The following ITPK1 variants were observed in gnomAD, a reference collection of about 807,000 sequenced individuals.
The protein encoded by ITPK1 is inositol 1,3,4-trisphosphate 5/6-kinase.
In ITPK1, 21 loss-of-function variants were observed where a neutral mutation model predicts 45.3. The observed-to-expected ratio is 0.46, with a 90% confidence interval of 0.33 to 0.67. The LOEUF (loss-of-function observed/expected upper bound fraction) is 0.67. Among genes scored for constraint, ITPK1 ranks in the 30% least tolerant of loss-of-function variants. The pLI is 0.02. For synonymous variants in ITPK1, 258 were observed against 253.6 expected (o/e 1.02, Z -0.16); for missense variants, 474 against 573.5 (o/e 0.83, Z 1.77).
chr14:92,978,212 G>A lies in ITPK1; in HGVS notation c.365-15363C>T, dbSNP rs145171052. The stretch of plus-strand genomic sequence containing the variant: ...GTGGAACTTTGAACTTGAGAGAGAT[G>A]GTTTAGGGTATCTGGTGGAAGAAAT... On this transcript the variant is annotated intron_variant, in intron 5 of 10. Coordinates refer to ENST00000267615, the MANE Select transcript of ITPK1 (RefSeq NM_014216.6). 2.2e-3 allele frequency among the ~76,000 whole-genome samples: 331 copies of A among 152,074 alleles called. 8 individuals carry two copies. The highest frequency in any genetic ancestry group is 7.7e-3 in the African/African-American group (319 of 41,320).
chr14:92,941,228 G>C lies in ITPK1; in HGVS notation c.*333C>G. ...CATGGAGACCAACAGACAGGGATGTGCACAGACACTGGCATGGCAGCCATA... is the reference window on the plus strand; with the variant it reads ...CATGGAGACCAACAGACAGGGATGTCCACAGACACTGGCATGGCAGCCATA... On this transcript the variant is annotated 3_prime_UTR_variant, in exon 11 of 11. Coordinates refer to ENST00000267615, the MANE Select transcript of ITPK1 (RefSeq NM_014216.6). 7.6e-7 allele frequency: 1 copy of C among 1,311,056 alleles called. No homozygotes were observed. Among genetic ancestry groups the C allele is most frequent in the South Asian group, 1.6e-5 (1 of 61,918 alleles). 81.2% of individuals were successfully genotyped at this position (1,311,056 alleles called of 1,614,324 possible). A position where few individuals can be genotyped will look rare whatever the true frequency, so the allele number is the denominator to read the frequency against.
At chr14:93,025,159 A>T (rs1050308921) in intron 3 of ITPK1, among the ~76,000 whole-genome samples, 6 of 152,082 alleles carry the variant, frequency 3.9e-5, no homozygotes, top group Admixed American at 6.5e-5. Context: ...GGGTCTTTCC[A>T]TCCTGCCGGC....
intron 1 of ITPK1, 52 bp downstream of exon 1, chr14:93,115,720 T>C (rs1390305798): frequency 6.7e-6 from 1 of 149,922 alleles, no homozygotes; most frequent in African/African-American, 2.4e-5. Flanking sequence ...CTGGGCGCGC[T>C]TGGACCCCGG....
At chr14:93,047,098 G>A (rs949464855) in intron 3 of ITPK1, among the ~76,000 whole-genome samples, 12 of 152,232 alleles carry the variant, frequency 7.9e-5, no homozygotes, top group African/African-American at 2.9e-4. Flanking sequence ...CTGGAAAGCT[G>A]GGGCCCTCAG....
chr14:92,983,844 C>A (rs1046123398), intron 5 of ITPK1, among the ~76,000 whole-genome samples: 1 of 151,980 alleles, frequency 6.6e-6, no homozygotes, highest in Non-Finnish European at 1.5e-5. Flanking sequence ...CCAAACAAGA[C>A]TGGAATGACC....
chr14:92,995,824 C>T (rs1887027359), intron 4 of ITPK1, among the ~76,000 whole-genome samples: 1 of 152,224 alleles, frequency 6.6e-6, no homozygotes, highest in South Asian at 2.1e-4. Context: ...GAGGAGTCTC[C>T]TTAAGGAAGG....
chr14:92,990,150 C>T (rs1016168656), intron 5 of ITPK1, among the ~76,000 whole-genome samples: 10 of 152,230 alleles, frequency 6.6e-5, no homozygotes, highest in African/African-American at 1.9e-4. Context: ...TTCCTGACTC[C>T]CTTGCAGCTT....
At position 93,057,679 on chromosome 14, in the gene ITPK1, G is replaced by T. The variant is rs200470292; in HGVS notation, c.120+18916C>A. ...ACAGAGAAAGAAGCAGAGCCCGGCC[G>T]AGGCCATGCAGGGAGGAGAGGCAGA... On this transcript the variant is annotated intron_variant, in intron 3 of 10. Transcript: ENST00000267615. Among the ~76,000 whole-genome samples, 3 of 152,308 alleles carry T rather than the reference G, an allele frequency of 2.0e-5. No individual in the cohort carries two copies. In the East Asian group the frequency reaches 5.8e-4, roughly 29 times the overall value.
chr14:93,097,066 C>T (rs1040344670), intron 2 of ITPK1, among the ~76,000 whole-genome samples: 7 of 152,260 alleles, frequency 4.6e-5, no homozygotes, highest in African/African-American at 1.7e-4. Flanking sequence ...CCGACTTCTC[C>T]GCCCCTCCCC....
intron 2 of ITPK1, among the ~76,000 whole-genome samples, chr14:93,096,471 T>C (rs956499259): frequency 1.3e-5 from 2 of 152,228 alleles, no homozygotes; most frequent in Non-Finnish European, 2.9e-5. Flanking sequence ...CTTGGCCACA[T>C]GCACCACGAG....
At chr14:92,945,767 G>C (rs1386452046) in intron 10 of ITPK1, among the ~76,000 whole-genome samples, 2 of 152,202 alleles carry the variant, frequency 1.3e-5, no homozygotes, top group Non-Finnish European at 2.9e-5. Context: ...ACATGGCAGA[G>C]CCTGGCTCAA....
chr14:92,979,970 G>A (rs762608077), intron 5 of ITPK1, among the ~76,000 whole-genome samples: 6 of 151,984 alleles, frequency 3.9e-5, no homozygotes, highest in Non-Finnish European at 7.4e-5. Context: ...TAGTAGAGAC[G>A]GGGTTTTCCC....
rs1339374812 is a variant in ITPK1, at chr14:92,982,600, GCCCGTGACA to G, written c.364+11271_364+11279del. Among the ~76,000 whole-genome samples the G allele has an allele frequency of 4.6e-5, 7 of 152,314 alleles. 1 individual carries two copies. In the South Asian group the frequency reaches 1.2e-3, roughly 27 times the overall value. On this transcript the variant is annotated intron_variant, in intron 5 of 10. Transcript: ENST00000267615. ...TGCCCCTGCGGACACCTTGATTTCA[GCCCGTGACA>G]CCCTGGGCCAAGAGCCCAACCACAC...
At chr14:93,046,028 G>GC (rs1194253220) in intron 3 of ITPK1, among the ~76,000 whole-genome samples, 2 of 152,192 alleles carry the variant, frequency 1.3e-5, no homozygotes, top group Admixed American at 1.3e-4. Flanking sequence ...CGGGCCTCAA[G>GC]CCCTCACCAG....
intron 5 of ITPK1, among the ~76,000 whole-genome samples, chr14:92,980,762 G>A (rs958950819): frequency 2.6e-5 from 4 of 152,064 alleles, no homozygotes; most frequent in Admixed American, 6.5e-5. Flanking sequence ...TATAACCTCC[G>A]CCTCCCAGGT....
chr14:93,066,709 T>A (rs1262790564), intron 3 of ITPK1, among the ~76,000 whole-genome samples: 1 of 152,244 alleles, frequency 6.6e-6, no homozygotes, highest in Admixed American at 6.5e-5. Flanking sequence ...CACCTGACAT[T>A]TAGCAGTTCT....
chr14:93,006,967 C>T (rs922026539), intron 4 of ITPK1, among the ~76,000 whole-genome samples: 2 of 152,216 alleles, frequency 1.3e-5, no homozygotes, highest in Admixed American at 1.3e-4. Flanking sequence ...TGACAAATGC[C>T]ACATGCTGTG....
chr14:93,048,584 C>T (rs370292394), intron 3 of ITPK1, among the ~76,000 whole-genome samples: 14 of 152,302 alleles, frequency 9.2e-5, no homozygotes, highest in Admixed American at 5.2e-4. Flanking sequence ...GCTCCTGATA[C>T]TCCCACAAAA....
At position 92,958,536 on chromosome 14, in the gene ITPK1, T is replaced by C. The variant is rs183248348; in HGVS notation, c.505-170A>G. On this transcript the variant is annotated intron_variant, in intron 7 of 10. Transcript: ENST00000267615. This position sits in a 1 kb window ranked among gnomAD's most constrained non-coding sequence, Gnocchi z 4.4. ...GCCAGGGTGAGTGGAGTGGGACTTG[T>C]GAAGAACACCTGGGGATGCATCCCT... 6.6e-6 allele frequency among the ~76,000 whole-genome samples: 1 copy of C among 152,060 alleles called. No individual in the cohort carries two copies. Among genetic ancestry groups the C allele is most frequent in the African/African-American group, 2.4e-5 (1 of 41,416 alleles).
Sources: allele counts gnomAD v4.1 joint callset (sites outside exome capture counted in the v4.1 genomes callset), GRCh38; gene constraint gnomAD v4.1.1; non-coding constraint Gnocchi (gnomAD v3.1); transcripts MANE v1.5; gene names NCBI Gene and HGNC (gene_info 2026-07-23, HGNC 2026-07-21).